NRP1: variants seen among roughly 807,000 people sequenced by gnomAD.
NRP1 encodes neuropilin 1, also known as neuropilin-1.
In NRP1, 35 loss-of-function variants were observed where a neutral mutation model predicts 106.7. That is an observed-to-expected ratio of 0.33 (90% confidence interval 0.25 to 0.43). NRP1 has a LOEUF of 0.43. Ranked by LOEUF, NRP1 falls within the 20% of genes least tolerant of loss-of-function variation. The pLI is 1.00. For missense variants in NRP1, 1,024 were observed against 1,170.4 expected (o/e 0.87, Z 1.83); for synonymous variants, 437 against 417.9 (o/e 1.05, Z -0.56).
intron 2 of NRP1, chr10:33,288,249 C>A (rs1285158293): frequency 6.6e-6 from 1 of 152,144 alleles, no homozygotes; most frequent in East Asian, 1.9e-4. Context: ...GTTTCTGCCC[C>A]AAGTCCCTAC....
At chr10:33,250,997 G>A (rs1299109025) in intron 6 of NRP1, among the ~76,000 whole-genome samples, 2 of 152,130 alleles carry the variant, frequency 1.3e-5, no homozygotes, top group African/African-American at 4.8e-5. Flanking sequence ...ATCATGATGA[G>A]CTGCAATCTT....
intron 3 of NRP1, among the ~76,000 whole-genome samples, chr10:33,265,417 G>A (rs1214914789): frequency 1.3e-5 from 2 of 152,194 alleles, no homozygotes; most frequent in Non-Finnish European, 2.9e-5. Flanking sequence ...GTGCTTTGTT[G>A]AGATTGTTCT....
intron 3 of NRP1, among the ~76,000 whole-genome samples, chr10:33,270,095 C>T (rs1221289842): frequency 6.6e-6 from 1 of 152,090 alleles, no homozygotes; most frequent in Non-Finnish European, 1.5e-5. Context: ...AGGTTGGAGA[C>T]TGCTGCCTTA....
intron 12 of NRP1, chr10:33,195,406 C>A: frequency 2.3e-6 from 1 of 435,974 alleles, no homozygotes; most frequent in South Asian, 1.8e-5. Flanking sequence ...CATCTGATTA[C>A]ATAAAAGTAT....
At chr10:33,309,187 A>C (rs1443601766) in intron 2 of NRP1, among the ~76,000 whole-genome samples, 1 of 152,200 alleles carries the variant, frequency 6.6e-6, no homozygotes, top group Non-Finnish European at 1.5e-5. Context: ...ACTGCAACCT[A>C]TTAAGCCATT....
chr10:33,207,506 G>A (rs552749236), intron 10 of NRP1, 66 bp downstream of exon 10: 112 of 1,573,310 alleles, frequency 7.1e-5, no homozygotes, highest in Non-Finnish European at 9.5e-5. Context: ...GCACCATCAG[G>A]GGCATAAATG....
chr10:33,285,819 C>A (rs561315006), intron 2 of NRP1, among the ~76,000 whole-genome samples: 1 of 147,366 alleles, frequency 6.8e-6, no homozygotes. Flanking sequence ...GGGGAGGGAG[C>A]GAGACTCCAT....
intron 6 of NRP1, among the ~76,000 whole-genome samples, chr10:33,252,135 G>C (rs1841910490): frequency 6.6e-6 from 1 of 152,092 alleles, no homozygotes; most frequent in Non-Finnish European, 1.5e-5. Flanking sequence ...GTGGCTGATC[G>C]TCGAGAGCCC....
At chr10:33,209,724 G>A (rs1427567964) in intron 9 of NRP1, among the ~76,000 whole-genome samples, 2 of 152,222 alleles carry the variant, frequency 1.3e-5, no homozygotes, top group East Asian at 3.9e-4. Context: ...TGATATGCCC[G>A]CCTTGGCCTC....
At chr10:33,235,433 T>C (rs1840480734) in intron 6 of NRP1, among the ~76,000 whole-genome samples, 1 of 152,262 alleles carries the variant, frequency 6.6e-6, no homozygotes, top group Non-Finnish European at 1.5e-5. Flanking sequence ...GGAAACAGCA[T>C]CAGGCTCTGA....
At chr10:33,185,773 G>T in intron 14 of NRP1, 49 bp from the exon 15 acceptor site, 1 of 1,474,624 alleles carries the variant, frequency 6.8e-7, no homozygotes, top group South Asian at 1.1e-5. Flanking sequence ...CATCTCACAT[G>T]GCAGTGTTTA....
chr10:33,185,898 C>T (rs1454453134), intron 14 of NRP1, among the ~76,000 whole-genome samples, 174 bp from the exon 15 acceptor site: 1 of 152,200 alleles, frequency 6.6e-6, no homozygotes, highest in African/African-American at 2.4e-5. Context: ...TGCACCTTCT[C>T]CTTACACTCT....
chr10:33,320,963 A>T (rs1847460007), intron 2 of NRP1, among the ~76,000 whole-genome samples: 1 of 152,178 alleles, frequency 6.6e-6, no homozygotes, highest in Non-Finnish European at 1.5e-5. Context: ...CATCTTTCCA[A>T]AAGAGTTGAT....
At chr10:33,328,738 C>T (rs1306158124) in intron 2 of NRP1, among the ~76,000 whole-genome samples, 1 of 152,174 alleles carries the variant, frequency 6.6e-6, no homozygotes, top group Non-Finnish European at 1.5e-5. Context: ...AGAGTATTTA[C>T]ACCACAGAAA....
At chr10:33,304,594 T>G (rs2132725741) in intron 2 of NRP1, among the ~76,000 whole-genome samples, 1 of 152,334 alleles carries the variant, frequency 6.6e-6, no homozygotes, top group Middle Eastern at 3.4e-3. Flanking sequence ...ATGACATTAT[T>G]CAACTCAAAC....
Position 33,192,228 on chromosome 10 carries a change from C to T in NRP1, c.2062+53G>A, listed in dbSNP as rs150324756. 5.1e-4 allele frequency: 805 copies of T among 1,576,518 alleles called. 5 individuals carry two copies. The East Asian group carries it at 0.017, about 33-fold the overall frequency. ...AGAAACCCTCCCAGTAACACAGCCT[C>T]GGAATCAAAGAGAATCTGCAAAGCC... is the stretch of plus-strand genomic sequence containing the variant. On this transcript the variant is annotated intron_variant, in intron 13 of 16. Coordinates refer to ENST00000374867, the MANE Select transcript of NRP1 (RefSeq NM_003873.7).
At position 33,256,362 on chromosome 10, in the gene NRP1, T is replaced by C; in HGVS notation, c.768A>G (p.Glu256=). The change falls in exon 5 of 17, where the codon GAA becomes GAG. Residue 256 remains glutamate (E), a synonymous_variant. Transcript: ENST00000374867. ...AGACACTGTAGTTTGCTGAGAAACCTTCTTTTGCTATCGCGCTGTCGGTGT... is the reference window on the plus strand; with the variant it reads ...AGACACTGTAGTTTGCTGAGAAACCCTCTTTTGCTATCGCGCTGTCGGTGT... The part of the protein sequence containing the change: ...VFYTDSAIAK[E]GFSANYSVLQ... The C allele has an allele frequency of 6.2e-7, 1 of 1,614,200 alleles. No homozygotes were observed. Among genetic ancestry groups the C allele is most frequent in the South Asian group, 1.1e-5 (1 of 91,088 alleles).
In NRP1 at chr10:33,233,533, G is replaced by T. The variant is rs565277313; in HGVS notation, c.982-7244C>A. 1.8e-4 allele frequency among the ~76,000 whole-genome samples: 27 copies of T among 152,292 alleles called. No individual in the cohort carries two copies. The South Asian group carries it at 5.6e-3, about 32-fold the overall frequency. ...TTCCAGCCATGAAATGAATATCACT[G>T]CTTTCTATAATAATACATAACCAAC... On this transcript the variant is annotated intron_variant, in intron 6 of 16. Coordinates refer to ENST00000374867, the MANE Select transcript of NRP1 (RefSeq NM_003873.7).
intron 2 of NRP1, among the ~76,000 whole-genome samples, chr10:33,297,134 A>G (rs1035634468): frequency 3.3e-5 from 5 of 152,196 alleles, no homozygotes; most frequent in Non-Finnish European, 7.3e-5. Flanking sequence ...ACATCTCTCT[A>G]CCTGATGCCA....
Sources: gnomAD v4.1 joint callset for allele counts (sites outside exome capture counted in the v4.1 genomes callset) on GRCh38, gnomAD v4.1.1 for gene constraint, MANE v1.5 for transcripts, NCBI Gene and HGNC (gene_info 2026-07-23, HGNC 2026-07-21) for gene names.